ATOX1: variants seen among roughly 807,000 people sequenced by gnomAD.
ATOX1 encodes the protein antioxidant 1 copper chaperone, also known as copper transport protein ATOX1.
Under a neutral mutation model 7.3 loss-of-function variants are expected in ATOX1, and 4 were observed. That is an observed-to-expected ratio of 0.55 (90% CI 0.27 to 1.25). ATOX1 has a LOEUF of 1.25. ATOX1 is among the 50% of genes most tolerant of loss of function. The pLI is 0.12. For missense variants in ATOX1, 68 were observed against 81.6 expected, an observed-to-expected ratio of 0.83 and a Z score of 0.64; for synonymous variants, 25 against 28.7, an observed-to-expected ratio of 0.87 and a Z score of 0.41.
Position 151,746,442 on chromosome 5 carries a change from C to G in ATOX1, c.90G>C (p.Lys30Asn), listed in dbSNP as rs1359609033. ...TCTTGTTGGGCAGGTCAATGTCATA[C>G]TTAACTCCTGCAGGAAGAGGAAATG... ...SRVLNKLGGV[K>N]YDIDLPNKKV... Residue 30 changes from lysine (K) to asparagine (N), a missense_variant, in exon 3 of 4, where the codon AAG (lysine) becomes AAC (asparagine). Lys to Asn is a moderately conservative substitution (Grantham distance 94). Coordinates refer to ENST00000313115, the MANE Select transcript of ATOX1 (RefSeq NM_004045.4). The G allele has an allele frequency of 6.2e-7, 1 of 1,613,816 alleles. No individual in the cohort carries two copies. Among genetic ancestry groups the G allele is most frequent in the South Asian group, 1.1e-5 (1 of 91,084 alleles).
intron 2 of ATOX1, chr5:151,746,673 C>T (rs921509551): frequency 2.1e-6 from 1 of 469,928 alleles, no homozygotes; most frequent in Non-Finnish European, 3.8e-6. Flanking sequence ...TTTTATAACT[C>T]TATTCCTGAA....
rs28917207 is a variant in ATOX1, at chr5:151,746,461, G to A, written c.83-12C>T. 6.2e-7 allele frequency: 1 copy of A among 1,613,534 alleles called. No homozygotes were observed. The highest frequency in any genetic ancestry group is 1.3e-5 in the African/African-American group (1 of 75,034). ...GTCATACTTAACTCCTGCAGGAAGA[G>A]GAAATGGGGTATGGGGAGAGGAAGC... On this transcript the variant is annotated splice_polypyrimidine_tract_variant and intron_variant, in intron 2 of 3. Coordinates refer to ENST00000313115, the MANE Select transcript of ATOX1 (RefSeq NM_004045.4).
chr5:151,749,205 G>A (rs1377119989), intron 2 of ATOX1, among the ~76,000 whole-genome samples: 1 of 152,158 alleles, frequency 6.6e-6, no homozygotes, highest in African/African-American at 2.4e-5. Flanking sequence ...GCATCAACAG[G>A]CTGGGCACGG....
intron 3 of ATOX1, chr5:151,744,013 T>A (rs1319178742): frequency 2.0e-5 from 3 of 152,224 alleles, no homozygotes; most frequent in Non-Finnish European, 4.4e-5. Context: ...CTTGAATGAA[T>A]CTTGAAAACA....
chr5:151,744,281 C>T (rs1355405735), intron 3 of ATOX1: 1 of 152,176 alleles, frequency 6.6e-6, no homozygotes, highest in African/African-American at 2.4e-5. Flanking sequence ...AAATGATAGA[C>T]TTTAACCCAT....
At chr5:151,754,115 G>C (rs187157108) in intron 1 of ATOX1, 1 of 152,286 alleles carries the variant, frequency 6.6e-6, no homozygotes, top group Admixed American at 6.5e-5. Flanking sequence ...TGGAAAGAAG[G>C]ATTTGTAGTA....
chr5:151,751,239 A>G (rs1389371223), intron 2 of ATOX1, among the ~76,000 whole-genome samples: 3 of 150,198 alleles, frequency 2.0e-5, no homozygotes, highest in African/African-American at 4.9e-5. Flanking sequence ...CTGAGCAAGA[A>G]GAGCGAAACT....
intron 1 of ATOX1, among the ~76,000 whole-genome samples, chr5:151,755,109 AT>A (rs1418985915): frequency 2.0e-5 from 3 of 152,042 alleles, no homozygotes; most frequent in African/African-American, 7.2e-5. Flanking sequence ...GAAGACTAAA[AT>A]GTTTACTATC....
chr5:151,755,248 G>A (rs1240519548), intron 1 of ATOX1, among the ~76,000 whole-genome samples: 1 of 152,156 alleles, frequency 6.6e-6, no homozygotes, highest in East Asian at 1.9e-4. Flanking sequence ...CAACATAAGA[G>A]CTAAATCTAC....
intron 1 of ATOX1, chr5:151,752,142 G>C: frequency 1.6e-6 from 1 of 635,690 alleles, no homozygotes; most frequent in Non-Finnish European, 2.8e-6. Flanking sequence ...ACTCTGACAG[G>C]GATGGGCCCC....
At chr5:151,752,993 T>C (rs921331546) in intron 1 of ATOX1, among the ~76,000 whole-genome samples, 5 of 152,212 alleles carry the variant, frequency 3.3e-5, no homozygotes, top group African/African-American at 1.2e-4. Flanking sequence ...ATGTGGCTTC[T>C]GAAGCTATCA....
intron 1 of ATOX1, among the ~76,000 whole-genome samples, chr5:151,757,234 G>GT (rs1413776035): frequency 2.0e-5 from 3 of 152,110 alleles, no homozygotes; most frequent in Admixed American, 6.6e-5. Flanking sequence ...GCTCCAGAGG[G>GT]TTTTTTGTCA....
intron 2 of ATOX1, among the ~76,000 whole-genome samples, chr5:151,749,626 C>G (rs1388200547): frequency 1.4e-5 from 2 of 148,010 alleles, no homozygotes; most frequent in Non-Finnish European, 3.0e-5. Flanking sequence ...CACTTCACTC[C>G]ACTCTAGCCT....
chr5:151,756,087 G>A (rs959223899), intron 1 of ATOX1, among the ~76,000 whole-genome samples: 8 of 151,534 alleles, frequency 5.3e-5, no homozygotes, highest in Non-Finnish European at 7.4e-5. Flanking sequence ...GACTACAGGC[G>A]TCCGCCACCA....
At chr5:151,748,972 C>T (rs1287348422) in intron 2 of ATOX1, among the ~76,000 whole-genome samples, 1 of 152,074 alleles carries the variant, frequency 6.6e-6, no homozygotes, top group Non-Finnish European at 1.5e-5. Context: ...CGGGTGTGGT[C>T]CTGTAGTCCC....
intron 1 of ATOX1, 142 bp downstream of exon 1, chr5:151,758,404 C>A: frequency 7.7e-7 from 1 of 1,294,082 alleles, no homozygotes; most frequent in South Asian, 2.0e-5. Flanking sequence ...AAGCTGGGGG[C>A]TGGGTGGGGT....
At chr5:151,756,875 C>A (rs535824144) in intron 1 of ATOX1, among the ~76,000 whole-genome samples, 26 of 152,314 alleles carry the variant, frequency 1.7e-4, no homozygotes, top group African/African-American at 6.3e-4. Flanking sequence ...ATTTTACTGG[C>A]ATTTTTCCAG....
At position 151,758,530 on chromosome 5, in the gene ATOX1, CG is replaced by C. The variant is rs757591213; in HGVS notation, c.6+15del. 1 of 1,469,936 alleles carries C rather than the reference CG, an allele frequency of 6.8e-7. No homozygotes were observed. The highest frequency in any genetic ancestry group is 1.4e-5 in the South Asian group (1 of 73,270). The allele number at this position is 1,469,936 out of a possible 1,614,324, so 91.1% of individuals were successfully genotyped here. A position where few individuals can be genotyped will look rare whatever the true frequency, so the allele number is the denominator to read the frequency against. ...GGACTGCAAGTCTGCGTGGCGGGGACGGCGCAACCACTCACCGGCATGACTG... is the reference window on the plus strand; with the variant it reads ...GGACTGCAAGTCTGCGTGGCGGGGACGCGCAACCACTCACCGGCATGACTG... On this transcript the variant is annotated intron_variant, in intron 1 of 3. Transcript: ENST00000313115.
intron 2 of ATOX1, 134 bp downstream of exon 2, chr5:151,751,570 T>C (rs1343736655): frequency 2.6e-6 from 2 of 764,810 alleles, no homozygotes; most frequent in Non-Finnish European, 4.1e-6. Context: ...ATAACAAGAG[T>C]AGTTGGCACG....
Sources: gnomAD v4.1 joint callset for allele counts (sites outside exome capture counted in the v4.1 genomes callset) on GRCh38, gnomAD v4.1.1 for gene constraint, MANE v1.5 for transcripts, NCBI Gene and HGNC (gene_info 2026-07-23, HGNC 2026-07-21) for gene names.